The following TMEM232 variants were observed in gnomAD, a reference collection of about 807,000 sequenced individuals.
The protein encoded by TMEM232 is transmembrane protein 232.
TMEM232 carries 80 observed loss-of-function variants against 78.8 expected under a neutral mutation model. The observed-to-expected ratio is 1.01, with a 90% CI of 0.85 to 1.22. TMEM232 has a LOEUF of 1.22. TMEM232 is among the 50% of genes most tolerant of loss of function. The pLI is 0.00. For synonymous variants in TMEM232, 297 were observed against 254.3 expected (o/e 1.17, Z -1.60); for missense variants, 881 against 742.2 (o/e 1.19, Z -2.17).
intron 1 of TMEM232, among the ~76,000 whole-genome samples, chr5:110,726,002 C>A (rs533808706): frequency 1.8e-4 from 27 of 151,934 alleles, no homozygotes; most frequent in African/African-American, 6.0e-4. Context: ...ACAGTCTTAT[C>A]CCCTCCTAGA....
chr5:110,520,159 G>A (rs2149496344), intron 12 of TMEM232, among the ~76,000 whole-genome samples: 1 of 151,734 alleles, frequency 6.6e-6, no homozygotes, highest in East Asian at 1.9e-4. Flanking sequence ...ATAAAAGGGT[G>A]GAGTTGGAAT....
At chr5:110,388,829 G>A (rs1336809238) in intron 4 of TMEM232, among the ~76,000 whole-genome samples, 4 of 152,188 alleles carry the variant, frequency 2.6e-5, no homozygotes, top group Non-Finnish European at 5.9e-5. Flanking sequence ...GCAGGCAGAG[G>A]CAGAAAACTA....
intron 12 of TMEM232, among the ~76,000 whole-genome samples, chr5:110,506,780 T>G (rs1279329269): frequency 1.3e-5 from 2 of 152,232 alleles, no homozygotes; most frequent in Non-Finnish European, 2.9e-5. Flanking sequence ...CATCTCTGAC[T>G]GTGGGAAGGA....
chr5:110,491,666 A>G (rs1037107780), intron 12 of TMEM232, among the ~76,000 whole-genome samples: 2 of 152,074 alleles, frequency 1.3e-5, no homozygotes, highest in African/African-American at 4.8e-5. Context: ...TCATCTTTTT[A>G]GAAACCTTCC....
intron 12 of TMEM232, among the ~76,000 whole-genome samples, chr5:110,485,073 G>A (rs1245922594): frequency 6.6e-6 from 1 of 152,110 alleles, no homozygotes; most frequent in African/African-American, 2.4e-5. Context: ...GAAACAGTGT[G>A]GAGATTCCTT....
At chr5:110,676,919 G>A (rs183196595) in intron 1 of TMEM232, among the ~76,000 whole-genome samples, 180 of 151,794 alleles carry the variant, frequency 1.2e-3, no homozygotes, top group Admixed American at 3.1e-3. Flanking sequence ...CCACCATGCC[G>A]GGCCAATATT....
At chr5:110,713,960 T>C (rs1012556354) in intron 1 of TMEM232, among the ~76,000 whole-genome samples, 8 of 152,172 alleles carry the variant, frequency 5.3e-5, no homozygotes, top group African/African-American at 1.9e-4. Flanking sequence ...TGGCATCAGG[T>C]GGTCTTTAAT....
chr5:110,702,767 C>G (rs1183733542), intron 1 of TMEM232, among the ~76,000 whole-genome samples: 2 of 151,976 alleles, frequency 1.3e-5, no homozygotes, highest in Non-Finnish European at 2.9e-5. Flanking sequence ...CATTGTGTCC[C>G]TTGTGGACAT....
chr5:110,524,459 A>G (rs1770259899), intron 12 of TMEM232, among the ~76,000 whole-genome samples: 2 of 151,452 alleles, frequency 1.3e-5, no homozygotes, highest in Middle Eastern at 3.4e-3. Context: ...GAAAGAAAGA[A>G]AAAGAAAGAA....
intron 13 of TMEM232, among the ~76,000 whole-genome samples, chr5:110,422,519 CAAAAA>C (rs34448955): frequency 1.2e-4 from 4 of 34,558 alleles, no homozygotes; most frequent in African/African-American, 3.6e-4. Flanking sequence ...GACTCTGTCT[CAAAAA>C]AAAAAAAAAA....
chr5:110,548,171 CTT>C (rs1774013155), intron 11 of TMEM232, among the ~76,000 whole-genome samples: 1 of 151,276 alleles, frequency 6.6e-6, no homozygotes, highest in South Asian at 2.1e-4. Flanking sequence ...AGGAAAGAAA[CTT>C]TTAAATATGT....
intron 8 of TMEM232, among the ~76,000 whole-genome samples, chr5:110,612,732 T>C (rs548083284): frequency 6.6e-6 from 1 of 152,314 alleles, no homozygotes; most frequent in East Asian, 1.9e-4. Context: ...ATCAGTTATT[T>C]TGTGTTGGAA....
chr5:110,639,881 G>A (rs1470208099), intron 4 of TMEM232, among the ~76,000 whole-genome samples: 1 of 152,198 alleles, frequency 6.6e-6, no homozygotes, highest in East Asian at 1.9e-4. Flanking sequence ...TGATCCGACA[G>A]GAGGTGGAGC....
chr5:110,662,601 A>G (rs1232759164), intron 2 of TMEM232, among the ~76,000 whole-genome samples: 1 of 152,262 alleles, frequency 6.6e-6, no homozygotes, highest in South Asian at 2.1e-4. Flanking sequence ...ACCAAACCAT[A>G]GTAATTAAGG....
chr5:110,404,412 C>A (rs923541366), intron 2 of TMEM232, among the ~76,000 whole-genome samples: 1 of 151,968 alleles, frequency 6.6e-6, no homozygotes, highest in Non-Finnish European at 1.5e-5. Context: ...TTATTCAGAT[C>A]CCATGTAATA....
chr5:110,406,265 T>TATACACACAC (rs369880810), intron 2 of TMEM232, among the ~76,000 whole-genome samples: 39 of 143,686 alleles, frequency 2.7e-4, no homozygotes, highest in Non-Finnish European at 4.6e-4. Flanking sequence ...CAGATATATA[T>TATACACACAC]ACACACACAC....
intron 10 of TMEM232, among the ~76,000 whole-genome samples, chr5:110,592,347 G>T (rs1214289030): frequency 3.9e-5 from 6 of 152,006 alleles, no homozygotes; most frequent in Admixed American, 1.3e-4. Flanking sequence ...CATTTCTCAC[G>T]AGAAACCACA....
chr5:110,454,025 T>C (rs1394132241), intron 12 of TMEM232, among the ~76,000 whole-genome samples: 2 of 152,166 alleles, frequency 1.3e-5, no homozygotes, highest in Non-Finnish European at 2.9e-5. Flanking sequence ...AAAAATAATG[T>C]AACTGAATAA....
At chr5:110,450,598 C>A (rs1760164100) in intron 12 of TMEM232, among the ~76,000 whole-genome samples, 2 of 152,086 alleles carry the variant, frequency 1.3e-5, no homozygotes, top group East Asian at 1.9e-4. Context: ...AAATATTTAA[C>A]AACTGAAGGA....
Sources: allele counts gnomAD v4.1 joint callset (sites outside exome capture counted in the v4.1 genomes callset), GRCh38; gene constraint gnomAD v4.1.1; transcripts MANE v1.5; gene names NCBI Gene and HGNC (gene_info 2026-07-23, HGNC 2026-07-21).